SNTG2: variants seen among roughly 807,000 people sequenced by gnomAD.
SNTG2 encodes gamma-2-syntrophin.
A neutral mutation model predicts 70.9 loss-of-function variants in SNTG2; 74 were observed. That is an observed-to-expected ratio of 1.04 (90% CI 0.86 to 1.27). The LOEUF (loss-of-function observed/expected upper bound fraction) is 1.27. Ranked by LOEUF, SNTG2 falls within the 50% of genes most tolerant of loss-of-function variation. The pLI is 0.00. For synonymous variants in SNTG2, 278 were observed against 273.8 expected (o/e 1.02, Z -0.15); for missense variants, 717 against 690.7 (o/e 1.04, Z -0.43).
intron 1 of SNTG2, among the ~76,000 whole-genome samples, chr2:1,055,885 G>A (rs993773464): frequency 3.3e-5 from 5 of 152,154 alleles, no homozygotes; most frequent in Non-Finnish European, 7.4e-5. Context: ...GAGTGAGGCT[G>A]GGGCACGACT....
chr2:1,221,808 TCTCTCG>T lies in SNTG2; in HGVS notation c.719+12579_719+12584del, dbSNP rs1474180504. Among the ~76,000 whole-genome samples the T allele has an allele frequency of 9.8e-4, 21 of 21,464 alleles. 8 individuals are homozygous for T. The highest frequency in any genetic ancestry group is 6.8e-3 in the South Asian group (3 of 444). The allele number at this position is 21,464 out of a possible 152,430, so 14.1% of individuals were successfully genotyped here. A position where few individuals can be genotyped will look rare whatever the true frequency, so the allele number is the denominator to read the frequency against. ...CTCTGTCTCTGTCTGTCTCTGTCTC[TCTCTCG>T]GTCTCTGTCTCTCTCTGTCTCTCTC... On this transcript the variant is annotated intron_variant, in intron 9 of 16. Transcript: ENST00000308624.
chr2:1,075,166 T>C (rs1411152422), intron 1 of SNTG2, among the ~76,000 whole-genome samples: 2 of 152,188 alleles, frequency 1.3e-5, no homozygotes, highest in African/African-American at 4.8e-5. Flanking sequence ...GGTTGGAGTA[T>C]AATTAAACAG....
intron 9 of SNTG2, among the ~76,000 whole-genome samples, chr2:1,227,563 G>T (rs377331475): frequency 6.6e-6 from 1 of 152,204 alleles, no homozygotes; most frequent in South Asian, 2.1e-4. Flanking sequence ...GTTTCCCCAC[G>T]GTATCCACCC....
intron 1 of SNTG2, among the ~76,000 whole-genome samples, chr2:979,002 T>A (rs764984103): frequency 5.9e-5 from 9 of 152,252 alleles, no homozygotes; most frequent in Non-Finnish European, 1.3e-4. Context: ...GGATTGGATG[T>A]GTGTAAACCA....
intron 1 of SNTG2, among the ~76,000 whole-genome samples, chr2:975,413 A>G (rs775097443): frequency 1.5e-4 from 23 of 152,230 alleles, no homozygotes; most frequent in Non-Finnish European, 1.5e-5. Context: ...AAACCACACC[A>G]CACACTTGGA....
chr2:1,103,670 G>C (rs991654718), intron 4 of SNTG2, among the ~76,000 whole-genome samples: 1 of 152,158 alleles, frequency 6.6e-6, no homozygotes, highest in African/African-American at 2.4e-5. Flanking sequence ...TTACGGGCGT[G>C]AGCCACCGCG....
intron 7 of SNTG2, among the ~76,000 whole-genome samples, chr2:1,170,112 G>A (rs979806861): frequency 2.6e-5 from 4 of 151,998 alleles, no homozygotes; most frequent in African/African-American, 4.8e-5. Flanking sequence ...AGATCTGTGC[G>A]GAAAATGTCC....
At chr2:1,325,412 A>G (rs1419885059) in intron 16 of SNTG2, among the ~76,000 whole-genome samples, 1 of 152,244 alleles carries the variant, frequency 6.6e-6, no homozygotes, top group Non-Finnish European at 1.5e-5. Flanking sequence ...TGTGATCAGC[A>G]ATGTTTCAAA....
At chr2:1,121,464 TA>T (rs200033891) in intron 4 of SNTG2, among the ~76,000 whole-genome samples, 44 of 151,804 alleles carry the variant, frequency 2.9e-4, no homozygotes, top group African/African-American at 6.8e-4. Flanking sequence ...GAATTGTTTT[TA>T]AAAAAAAATA....
intron 6 of SNTG2, among the ~76,000 whole-genome samples, chr2:1,152,091 G>T (rs1472193599): frequency 6.6e-6 from 1 of 152,074 alleles, no homozygotes; most frequent in Non-Finnish European, 1.5e-5. Context: ...TGTAGTTCTG[G>T]CATTATTTAT....
chr2:1,149,056 G>C (rs1010653162), intron 6 of SNTG2, among the ~76,000 whole-genome samples: 11 of 152,238 alleles, frequency 7.2e-5, no homozygotes, highest in Admixed American at 6.5e-4. Flanking sequence ...TTCCCTGGAA[G>C]GTATTTAAAA....
At chr2:1,014,931 C>A (rs1659838517) in intron 1 of SNTG2, among the ~76,000 whole-genome samples, 1 of 151,866 alleles carries the variant, frequency 6.6e-6, no homozygotes, top group African/African-American at 2.4e-5. Flanking sequence ...GGCTAGAACC[C>A]GAGGGGCAGC....
At chr2:1,265,899 C>T (rs1678703407) in intron 13 of SNTG2, among the ~76,000 whole-genome samples, 1 of 152,136 alleles carries the variant, frequency 6.6e-6, no homozygotes, top group Non-Finnish European at 1.5e-5. Flanking sequence ...GGTGTCTCCC[C>T]TTGTTTCCCT....
rs573378093 is a variant in SNTG2 at position 966,819 on chromosome 2, C to T, written c.72+15751C>T. Among the ~76,000 whole-genome samples the T allele has an allele frequency of 3.4e-4, 51 of 151,970 alleles. 1 individual carries two copies. In the South Asian group the frequency reaches 4.4e-3, roughly 13 times the overall value. On this transcript the variant is annotated intron_variant, in intron 1 of 16. Coordinates refer to ENST00000308624, the MANE Select transcript of SNTG2 (RefSeq NM_018968.4). ...AAAATTAGCTGGGCATGGTGGCGGG[C>T]GCCTGTAATCTCAGCTACTCAGGAG... is the stretch of plus-strand genomic sequence containing the variant.
intron 14 of SNTG2, among the ~76,000 whole-genome samples, chr2:1,298,771 A>T (rs1436861619): frequency 2.1e-4 from 32 of 152,142 alleles, no homozygotes; most frequent in Non-Finnish European, 8.8e-5. Flanking sequence ...GCCAAAGGAG[A>T]TTCACTTTTG....
intron 14 of SNTG2, among the ~76,000 whole-genome samples, chr2:1,276,009 C>T (rs995653237): frequency 6.6e-6 from 1 of 152,228 alleles, no homozygotes; most frequent in Non-Finnish European, 1.5e-5. Context: ...AAGGCCCTAG[C>T]TCTCTTCAAT....
intron 7 of SNTG2, among the ~76,000 whole-genome samples, chr2:1,170,637 C>T (rs181015381): frequency 5.0e-4 from 76 of 152,136 alleles, no homozygotes; most frequent in African/African-American, 1.8e-3. Context: ...CCCCCAATGT[C>T]GCGGGCATCG....
chr2:1,004,410 T>C (rs1357212555), intron 1 of SNTG2, among the ~76,000 whole-genome samples: 1 of 152,158 alleles, frequency 6.6e-6, no homozygotes, highest in Non-Finnish European at 1.5e-5. Context: ...TAGAAAGTAT[T>C]TGAAAAATAA....
rs985431289 is a variant in SNTG2 at position 1,334,516 on chromosome 2, C to T, written c.1488+18141C>T. On this transcript the variant is annotated intron_variant, in intron 16 of 16. Transcript: ENST00000308624. ...CAAATGTTTATAGCAGCACAATTAG[C>T]AATTTCAAAGACATGGAACCAACCT... is the stretch of plus-strand genomic sequence containing the variant. Among the ~76,000 whole-genome samples, 3 of 152,162 alleles carry T rather than the reference C, an allele frequency of 2.0e-5. No individual in the cohort carries two copies. The East Asian group carries it at 5.8e-4, about 29-fold the overall frequency.
Sources: allele counts gnomAD v4.1 joint callset (sites outside exome capture counted in the v4.1 genomes callset), GRCh38; gene constraint gnomAD v4.1.1; transcripts MANE v1.5; gene names NCBI Gene and HGNC (gene_info 2026-07-23, HGNC 2026-07-21).